Variants in MCF2L observed in about 807,000 individuals in gnomAD.
The protein encoded by MCF2L is MCF.2 cell line derived transforming sequence like, also known as guanine nucleotide exchange factor DBS.
Under a neutral mutation model 153.4 loss-of-function variants are expected in MCF2L, and 97 were observed. The observed-to-expected ratio is 0.63, with a 90% CI of 0.54 to 0.75. MCF2L has a LOEUF of 0.75. Ranked by LOEUF, MCF2L falls within the 30% of genes least tolerant of loss-of-function variation. The pLI is 0.00. For synonymous variants in MCF2L, 659 were observed against 632.2 expected, an observed-to-expected ratio of 1.04 and a Z score of -0.64; for missense variants, 1,347 against 1,495.2, an observed-to-expected ratio of 0.90 and a Z score of 1.64.
chr13:112,895,289 G>A (rs1264305927), intron 1 of MCF2L, among the ~76,000 whole-genome samples: 1 of 152,180 alleles, frequency 6.6e-6, no homozygotes, highest in African/African-American at 2.4e-5. Flanking sequence ...TCACAGAGCC[G>A]GGACCCCGAA....
At chr13:112,953,625 G>T (rs573333048) in intron 2 of MCF2L, among the ~76,000 whole-genome samples, 46 of 152,226 alleles carry the variant, frequency 3.0e-4, no homozygotes, top group African/African-American at 9.2e-4. Flanking sequence ...CCTGTGGCCG[G>T]TGGTTCTAGA....
At chr13:112,937,909 CTGAT>C (rs1444094491) in intron 2 of MCF2L, among the ~76,000 whole-genome samples, 3 of 7,486 alleles carry the variant, frequency 4.0e-4, no homozygotes, top group Non-Finnish European at 8.8e-4. Flanking sequence ...CAGGTGAGCT[CTGAT>C]TGGTTGGTTC....
intron 1 of MCF2L, among the ~76,000 whole-genome samples, chr13:112,897,527 C>G (rs1412434208): frequency 1.3e-5 from 2 of 152,118 alleles, no homozygotes; most frequent in Non-Finnish European, 2.9e-5. Flanking sequence ...GTGGGACGTC[C>G]CGGATGAAAT....
rs1266048506 is a variant in MCF2L at position 113,098,258 on chromosome 13, G to A, written c.*1399G>A. Reference sequence around the variant, plus strand: ...TAGCCGTCACTGGCCAGACCTCCAGGGTGCGGAATCAAATAGGAAGCATGC... The same window carrying A: ...TAGCCGTCACTGGCCAGACCTCCAGAGTGCGGAATCAAATAGGAAGCATGC... On this transcript the variant is annotated 3_prime_UTR_variant, in exon 30 of 30. Transcript: ENST00000535094. 1 of 152,570 alleles carries A rather than the reference G, an allele frequency of 6.6e-6. No individual in the cohort carries two copies. Among genetic ancestry groups the A allele is most frequent in the Admixed American group, 6.5e-5 (1 of 15,286 alleles). The allele number at this position is 152,570 out of a possible 1,614,324, so 9.5% of individuals were successfully genotyped here. A position where few individuals can be genotyped will look rare whatever the true frequency, so the allele number is the denominator to read the frequency against.
At chr13:113,005,874 G>A (rs1434432488) in intron 1 of MCF2L, among the ~76,000 whole-genome samples, 3 of 152,210 alleles carry the variant, frequency 2.0e-5, no homozygotes, top group Admixed American at 2.0e-4. Flanking sequence ...TCTCAATATA[G>A]CTGGAAAAAA....
rs764301327 is a variant in MCF2L, at chr13:113,064,336, C to T, written c.522C>T (p.His174=). ...VIMLSSVPDL[H]GYIDKSQLTE... Reference sequence around the variant, plus strand: ...TGCTGAGCTCCGTACCAGACTTACACGGTTACATCGATAAGTCGCAGCTGA... The same window carrying T: ...TGCTGAGCTCCGTACCAGACTTACATGGTTACATCGATAAGTCGCAGCTGA... The change falls in exon 6 of 30, where the codon CAC becomes CAT. Residue 174 remains histidine, a synonymous_variant. Transcript: ENST00000535094. This position sits in a 1 kb window ranked among gnomAD's most constrained non-coding sequence, Gnocchi z 6.0. 3.8e-5 allele frequency: 62 copies of T among 1,612,782 alleles called. No homozygotes were observed. Among genetic ancestry groups the T allele is most frequent in the African/African-American group, 1.1e-4 (8 of 74,944 alleles).
chr13:113,007,553 G>A (rs989250969), intron 1 of MCF2L, among the ~76,000 whole-genome samples: 3 of 152,232 alleles, frequency 2.0e-5, no homozygotes, highest in Admixed American at 6.5e-5. Flanking sequence ...GGCTTTGTTG[G>A]CGATTCTAGA....
At chr13:113,044,426 T>C (rs1594806247) in intron 3 of MCF2L, 1 of 462,898 alleles carries the variant, frequency 2.2e-6, no homozygotes, top group South Asian at 2.1e-5. Flanking sequence ...GCCACGCCCA[T>C]AGACTGCATA....
chr13:113,051,333 A>G (rs1439136062), intron 4 of MCF2L, among the ~76,000 whole-genome samples: 17 of 152,006 alleles, frequency 1.1e-4, no homozygotes, highest in Non-Finnish European at 7.4e-5. Context: ...CTCTCTCCCT[A>G]CTCCGGTGGT....
In MCF2L at chr13:113,027,411, G is replaced by A. The variant is rs1016670908; in HGVS notation, c.278+2653G>A. On this transcript the variant is annotated intron_variant, in intron 3 of 29. Transcript: ENST00000535094. This position sits in a 1 kb window ranked among gnomAD's most constrained non-coding sequence, Gnocchi z 4.8. ...AGGGAGCCTCACCGGTGGGCCTTTC[G>A]GGGGCAGGACGTCTTGGTGGGCAGA... Among the ~76,000 whole-genome samples the A allele has an allele frequency of 3.9e-5, 6 of 152,256 alleles. No homozygotes were observed. Among genetic ancestry groups the A allele is most frequent in the South Asian group, 2.1e-4 (1 of 4,814 alleles).
chr13:113,032,344 A>G (rs2085777425), intron 3 of MCF2L, among the ~76,000 whole-genome samples: 1 of 152,180 alleles, frequency 6.6e-6, no homozygotes, highest in African/African-American at 2.4e-5. Context: ...AGCGTGCTAA[A>G]CAATTTAATA....
chr13:112,967,071 G>C (rs1031866163), upstream of MCF2L, among the ~76,000 whole-genome samples: 1 of 152,026 alleles, frequency 6.6e-6, no homozygotes, highest in African/African-American at 2.4e-5. Flanking sequence ...GTGGGCTGAG[G>C]ACCAGGGAGG....
chr13:112,909,520 G>A (rs186654871), intron 2 of MCF2L: 12 of 509,128 alleles, frequency 2.4e-5, no homozygotes, highest in African/African-American at 1.3e-4. Context: ...CGCAGCCAGC[G>A]GGTCTATCAA....
intron 2 of MCF2L, among the ~76,000 whole-genome samples, chr13:112,929,048 CAG>C (rs2081435983): frequency 6.6e-6 from 1 of 152,216 alleles, no homozygotes; most frequent in African/African-American, 2.4e-5. Flanking sequence ...AGATGACAAA[CAG>C]AGGTTCAGAG....
chr13:113,080,870 C>T (rs2034065804), intron 15 of MCF2L, among the ~76,000 whole-genome samples: 1 of 152,174 alleles, frequency 6.6e-6, no homozygotes, highest in East Asian at 1.9e-4. Context: ...GATGACTTGC[C>T]CATGAGCGTG....
chr13:113,053,766 T>C lies in MCF2L; in HGVS notation c.370-6827T>C, dbSNP rs1566809036. Among the ~76,000 whole-genome samples the C allele has an allele frequency of 6.6e-6, 1 of 152,186 alleles. No individual in the cohort carries two copies. The highest frequency in any genetic ancestry group is 1.5e-5 in the Non-Finnish European group (1 of 68,028). ...TGGAGCCTCCTTCCATTTGTTACTC[T>C]GTCTCCTCCTGTGTCCCTGCAGCTG... On this transcript the variant is annotated intron_variant, in intron 4 of 29. Coordinates refer to ENST00000535094, the MANE Select transcript of MCF2L (RefSeq NM_001112732.3). This position sits in a 1 kb window ranked among gnomAD's most constrained non-coding sequence, Gnocchi z 4.4.
intron 2 of MCF2L, among the ~76,000 whole-genome samples, chr13:112,935,166 A>G (rs2081502434): frequency 6.6e-6 from 1 of 152,214 alleles, no homozygotes; most frequent in African/African-American, 2.4e-5. Context: ...GTTCAAAAGC[A>G]ATGTACATTC....
At chr13:113,055,375 C>A in intron 4 of MCF2L, among the ~76,000 whole-genome samples, 1 of 60,904 alleles carries the variant, frequency 1.6e-5, no homozygotes, top group Non-Finnish European at 3.5e-5. Flanking sequence ...GTGGACCCCC[C>A]CCCCCGCCAC....
At chr13:112,903,462 A>G (rs765072364) in intron 2 of MCF2L, among the ~76,000 whole-genome samples, 1 of 152,156 alleles carries the variant, frequency 6.6e-6, no homozygotes, top group Non-Finnish European at 1.5e-5. Context: ...CCCTGTCTTC[A>G]GAGCTCAGCT....
Sources: allele counts gnomAD v4.1 joint callset (sites outside exome capture counted in the v4.1 genomes callset), GRCh38; gene constraint gnomAD v4.1.1; non-coding constraint Gnocchi (gnomAD v3.1); transcripts MANE v1.5; gene names NCBI Gene and HGNC (gene_info 2026-07-23, HGNC 2026-07-21).